PCNT: variants seen among roughly 807,000 people sequenced by gnomAD.
PCNT encodes pericentrin, also known as kendrin.
Under a neutral mutation model 380.4 loss-of-function variants are expected in PCNT, and 319 were observed. The observed-to-expected ratio is 0.84, with a 90% CI of 0.77 to 0.92. The LOEUF (loss-of-function observed/expected upper bound fraction) is 0.92, where lower values mean the gene tolerates loss of function less well. PCNT is among the 40% of genes least tolerant of loss of function. PCNT has a pLI of 0.00. For synonymous variants in PCNT, 1,845 were observed against 1,735.2 expected, an observed-to-expected ratio of 1.06 and a Z score of -1.57; for missense variants, 4,400 against 4,255.3, an observed-to-expected ratio of 1.03 and a Z score of -0.95.
At position 46,427,605 on chromosome 21, in the gene PCNT, C is replaced by G. The variant is rs756954441; in HGVS notation, c.7321-17C>G. 37 of 1,613,712 alleles carry G rather than the reference C, an allele frequency of 2.3e-5. No individual in the cohort carries two copies. The highest frequency in any genetic ancestry group is 3.0e-5 in the Non-Finnish European group (35 of 1,180,004). On this transcript the variant is annotated splice_polypyrimidine_tract_variant and intron_variant, in intron 33 of 46. Coordinates refer to ENST00000359568, the MANE Select transcript of PCNT (RefSeq NM_006031.6). ...GTGCATTTGTGAGGACGCCACGTTT[C>G]TTCCTTCTTCCTTTAGGAAGTGCCC...
chr21:46,367,147 GCCAGGGCCCTGC>G lies in PCNT; in HGVS notation c.3165+11_3165+22del. The G allele has an allele frequency of 6.2e-7, 1 of 1,610,082 alleles. No homozygotes were observed. The highest frequency in any genetic ancestry group is 8.5e-7 in the Non-Finnish European group (1 of 1,179,440). Reference sequence around the variant, plus strand: ...CTGCAGGGAGTGCACCAGGTAAGGCGCCAGGGCCCTGCCCCAGCCCAGGGCAGGCCTCTCCTC... The same window carrying G: ...CTGCAGGGAGTGCACCAGGTAAGGCGCCCAGCCCAGGGCAGGCCTCTCCTC... On this transcript the variant is annotated intron_variant, in intron 15 of 46. Coordinates refer to ENST00000359568, the MANE Select transcript of PCNT (RefSeq NM_006031.6).
chr21:46,383,267 C>A (rs1226807757), intron 16 of PCNT, among the ~76,000 whole-genome samples: 1 of 146,308 alleles, frequency 6.8e-6, no homozygotes, highest in African/African-American at 2.5e-5. Context: ...GATGGAAGCG[C>A]ATTCACAGTG....
chr21:46,366,932 C>G lies in PCNT; in HGVS notation c.2958C>G (p.His986Gln). 6.2e-7 allele frequency: 1 copy of G among 1,614,260 alleles called. No individual in the cohort carries two copies. The highest frequency in any genetic ancestry group is 2.2e-5 in the East Asian group (1 of 44,880). The change falls in exon 15 of 47, where the codon CAC (histidine) becomes CAG (glutamine). Residue 986 changes from histidine to glutamine, a missense_variant. Coordinates refer to ENST00000359568, the MANE Select transcript of PCNT (RefSeq NM_006031.6). ...AATTTCAGACCATCCGTGAGGAGCA[C>G]AGGCAGGCCCTAGAGCTCTTACGAG... ...LSEFQTIREE[H>Q]RQALELLRAD... is the part of the protein sequence containing the mutation.
rs192498001 is a variant in PCNT, at chr21:46,434,714, T to C, written c.8752-1190T>C. Among the ~76,000 whole-genome samples, 5 of 152,302 alleles carry C rather than the reference T, an allele frequency of 3.3e-5. No individual in the cohort carries two copies. In the East Asian group the frequency reaches 9.7e-4, roughly 29 times the overall value. On this transcript the variant is annotated intron_variant, in intron 38 of 46. Transcript: ENST00000359568. ...AAGGAAAGGCTGCTGCTCCTTGAGG[T>C]CTGGCTTAGGAGCTCAGGCCCACGT...
chr21:46,335,686 G>A (rs1285386623), intron 3 of PCNT, among the ~76,000 whole-genome samples: 1 of 147,386 alleles, frequency 6.8e-6, no homozygotes, highest in Non-Finnish European at 1.5e-5. Context: ...TTTGGTTTTT[G>A]GGGTTTTTTT....
In PCNT at chr21:46,429,994, CTTTT is replaced by C. The variant is rs1569296922; in HGVS notation, c.7691-15_7691-12del. 1.2e-6 allele frequency: 2 copies of C among 1,610,876 alleles called. No individual in the cohort carries two copies. The highest frequency in any genetic ancestry group is 2.2e-5 in the South Asian group (2 of 90,960). ...GAGCTCATGGGGGCCTGTTACTGTTCTTTTGTCTTTCTCAGTTGAACTGCTGGCT... is the reference window on the plus strand; with the variant it reads ...GAGCTCATGGGGGCCTGTTACTGTTCGTCTTTCTCAGTTGAACTGCTGGCT... On this transcript the variant is annotated splice_polypyrimidine_tract_variant and intron_variant, in intron 35 of 46. Coordinates refer to ENST00000359568, the MANE Select transcript of PCNT (RefSeq NM_006031.6).
At chr21:46,334,310 G>A (rs188261846) in intron 2 of PCNT, 87 bp from the exon 3 acceptor site, 4 of 1,589,192 alleles carry the variant, frequency 2.5e-6, no homozygotes, top group East Asian at 2.2e-5. Flanking sequence ...GTCAGCACAG[G>A]CCTGCAGATA....
rs78561636 is a variant in PCNT at position 46,431,510 on chromosome 21, G to A, written c.8065-19G>A. On this transcript the variant is annotated intron_variant, in intron 37 of 46. Coordinates refer to ENST00000359568, the MANE Select transcript of PCNT (RefSeq NM_006031.6). ...TCCTCTTGATTCAGTGTCTCCCATC[G>A]TATGTGTTTGCTGTCTAGGAGCTGC... 0.011 allele frequency: 18,334 copies of A among 1,613,892 alleles called. 145 individuals are homozygous for A. The highest frequency in any genetic ancestry group is 0.015 in the Non-Finnish European group (17,148 of 1,179,908).
intron 15 of PCNT, among the ~76,000 whole-genome samples, chr21:46,369,054 T>C (rs2085028623): frequency 6.6e-6 from 1 of 152,214 alleles, no homozygotes; most frequent in Non-Finnish European, 1.5e-5. Flanking sequence ...TTTCATGTTA[T>C]GTTTCAGGCT....
At chr21:46,382,786 CAG>C (rs913089374) in intron 16 of PCNT, among the ~76,000 whole-genome samples, 1 of 136,964 alleles carries the variant, frequency 7.3e-6, no homozygotes, top group African/African-American at 2.8e-5. Context: ...TATTCAGTGA[CAG>C]AAGCGCATTC....
intron 11 of PCNT, 87 bp downstream of exon 11, chr21:46,354,155 C>G (rs2084384675): frequency 8.4e-7 from 1 of 1,189,106 alleles, no homozygotes; most frequent in Non-Finnish European, 1.2e-6. Context: ...GCCTGTGTTT[C>G]CGTCCTTCCC....
intron 3 of PCNT, among the ~76,000 whole-genome samples, chr21:46,335,978 G>T (rs753017948): frequency 6.6e-6 from 1 of 151,080 alleles, no homozygotes; most frequent in Admixed American, 6.6e-5. Flanking sequence ...GCACTTGGCC[G>T]GCAAATTGTT....
At chr21:46,442,888 C>T in intron 44 of PCNT, 2 of 400,794 alleles carry the variant, frequency 5.0e-6, no homozygotes. Context: ...CTGAAACTCA[C>T]TTCACGTCTC....
chr21:46,427,585 T>C (rs776605260), intron 33 of PCNT, 37 bp from the exon 34 acceptor site: 7 of 1,612,736 alleles, frequency 4.3e-6, no homozygotes, highest in Middle Eastern at 1.6e-4. Context: ...TGCAGGTGCA[T>C]TTGTGAGGAC....
At chr21:46,373,168 G>A (rs772791027) in intron 15 of PCNT, among the ~76,000 whole-genome samples, 1 of 151,952 alleles carries the variant, frequency 6.6e-6, no homozygotes, top group African/African-American at 2.4e-5. Flanking sequence ...CTACAGATGT[G>A]CACCACCATG....
At position 46,390,811 on chromosome 21, in the gene PCNT, C is replaced by T; in HGVS notation, c.3982C>T (p.Leu1328=). Residue 1328 remains leucine (L), a synonymous_variant, in exon 20 of 47, where the codon CTG becomes TTG. Transcript: ENST00000359568. The part of the protein sequence containing the change: ...EESAAKAELA[L]ELHKTQGTLE... The stretch of plus-strand genomic sequence containing the variant: ...GAGCGCAGCAAAGGCAGAGCTGGCG[C>T]TGGAGCTGCACAAGACTCAGGGTGA... 1 of 1,610,040 alleles carries T rather than the reference C, an allele frequency of 6.2e-7. No homozygotes were observed. The highest frequency in any genetic ancestry group is 8.5e-7 in the Non-Finnish European group (1 of 1,178,702).
rs747212974 is a variant in PCNT, at chr21:46,418,265, C to T, written c.6983C>T (p.Pro2328Leu). 7.5e-5 allele frequency: 120 copies of T among 1,608,958 alleles called. No homozygotes were observed. Among genetic ancestry groups the T allele is most frequent in the Non-Finnish European group, 9.8e-5 (115 of 1,175,364 alleles). ...GATTCTCAAGAAACATTAAGTTCAC[C>T]TCCTCCTGGATTAGAAGGAAAAGCT... ...SFDSQETLSSPPPGLEGKADR... is the reference protein window; with the variant it reads ...SFDSQETLSSLPPGLEGKADR... The change falls in exon 31 of 47, where the codon CCT becomes CTT. Residue 2328 changes from proline to leucine, a missense_variant. Physicochemically the swap from Pro to Leu is moderately conservative, Grantham distance 98 (BLOSUM62 -3). Coordinates refer to ENST00000359568, the MANE Select transcript of PCNT (RefSeq NM_006031.6).
At chr21:46,344,044 TTTTG>T (rs1322520655) in intron 3 of PCNT, among the ~76,000 whole-genome samples, 1 of 151,856 alleles carries the variant, frequency 6.6e-6, no homozygotes, top group Non-Finnish European at 1.5e-5. Context: ...GATCTATCAG[TTTTG>T]TTTATCTTTT....
At chr21:46,435,269 A>C (rs2087919528) in intron 38 of PCNT, among the ~76,000 whole-genome samples, 1 of 151,946 alleles carries the variant, frequency 6.6e-6, no homozygotes, top group Non-Finnish European at 1.5e-5. Context: ...CTCTGTCGCC[A>C]GGCTGGAGTG....
Sources: gnomAD v4.1 joint callset for allele counts (sites outside exome capture counted in the v4.1 genomes callset) on GRCh38, gnomAD v4.1.1 for gene constraint, MANE v1.5 for transcripts, NCBI Gene and HGNC (gene_info 2026-07-23, HGNC 2026-07-21) for gene names.